The following LHFPL6 variants were observed in gnomAD, a reference collection of about 807,000 sequenced individuals.
The protein encoded by LHFPL6 is LHFPL tetraspan subfamily member 6, also known as LHFPL tetraspan subfamily member 6 protein.
In LHFPL6, 9 loss-of-function variants were observed where a neutral mutation model predicts 20.6. That is an observed-to-expected ratio of 0.44 (90% CI 0.26 to 0.76). The LOEUF is 0.76. LHFPL6 is among the 30% of genes least tolerant of loss of function. The pLI is 0.20. For synonymous variants in LHFPL6, 105 were observed against 98.7 expected (o/e 1.06, Z -0.38); for missense variants, 218 against 253.5 (o/e 0.86, Z 0.95).
At position 39,474,475 on chromosome 13, in the gene LHFPL6, T is replaced by C. The variant is rs1292274252; in HGVS notation, c.386-95949A>G. 2.0e-5 allele frequency among the ~76,000 whole-genome samples: 3 copies of C among 152,218 alleles called. No individual in the cohort carries two copies. In the East Asian group the frequency reaches 5.8e-4, roughly 29 times the overall value. On this transcript the variant is annotated intron_variant, in intron 2 of 3. Transcript: ENST00000379589. ...AGCTTTTAGTTCATAATTTAAAAAT[T>C]ATGATATTGTTTTCCCCTTCAACTG...
At chr13:39,534,066 T>C (rs533358652) in intron 2 of LHFPL6, among the ~76,000 whole-genome samples, 1 of 152,236 alleles carries the variant, frequency 6.6e-6, no homozygotes, top group African/African-American at 2.4e-5. Flanking sequence ...AAAAATTAGA[T>C]CTATAACACC....
chr13:39,587,153 G>A lies in LHFPL6; in HGVS notation c.385+13679C>T, dbSNP rs529017995. 4.8e-4 allele frequency among the ~76,000 whole-genome samples: 29 copies of A among 60,416 alleles called. No individual in the cohort carries two copies. The East Asian group carries it at 0.013, about 27-fold the overall frequency. 39.6% of individuals were successfully genotyped at this position (60,416 alleles called of 152,430 possible). A position where few individuals can be genotyped will look rare whatever the true frequency, so the allele number is the denominator to read the frequency against. On this transcript the variant is annotated intron_variant, in intron 2 of 3. Transcript: ENST00000379589. ...GCCTGGGCAATAAGAGTGAAACTCC[G>A]TCTCAAAAAAAAAAAAGAATCCTCA...
At chr13:39,360,178 G>A (rs1869842226) in intron 3 of LHFPL6, among the ~76,000 whole-genome samples, 1 of 96,300 alleles carries the variant, frequency 1.0e-5, no homozygotes, top group East Asian at 3.8e-4. Context: ...CCGCCACCAC[G>A]CCCGGCTAAT....
chr13:39,527,692 C>T (rs9576835), intron 2 of LHFPL6, among the ~76,000 whole-genome samples: 2,566 of 152,030 alleles, frequency 0.017, 61 homozygotes, highest in East Asian at 0.094. Context: ...TGGTTATATA[C>T]TCATCATTTT....
intron 2 of LHFPL6, among the ~76,000 whole-genome samples, chr13:39,465,316 T>C (rs1228125960): frequency 6.6e-6 from 1 of 152,104 alleles, no homozygotes; most frequent in Non-Finnish European, 1.5e-5. Context: ...TGCCAACCTA[T>C]CATTAACAAG....
chr13:39,600,811 C>T (rs780005559), intron 2 of LHFPL6, 21 bp downstream of exon 2: 2 of 1,467,830 alleles, frequency 1.4e-6, no homozygotes, highest in Non-Finnish European at 1.8e-6. Flanking sequence ...GTAAACAACT[C>T]AAGCTCAGCA....
At chr13:39,543,963 T>C (rs1441831711) in intron 2 of LHFPL6, among the ~76,000 whole-genome samples, 1 of 152,238 alleles carries the variant, frequency 6.6e-6, no homozygotes, top group African/African-American at 2.4e-5. Context: ...ACAGCTTCTT[T>C]AGCAATTCTG....
At chr13:39,453,412 G>C (rs960159106) in intron 2 of LHFPL6, among the ~76,000 whole-genome samples, 3 of 151,998 alleles carry the variant, frequency 2.0e-5, no homozygotes, top group Non-Finnish European at 4.4e-5. Flanking sequence ...TATCATGATG[G>C]GCATTTAACT....
chr13:39,415,506 AAAAAAAAC>A (rs1263919597), intron 2 of LHFPL6, among the ~76,000 whole-genome samples: 1 of 152,054 alleles, frequency 6.6e-6, no homozygotes, highest in African/African-American at 2.4e-5. Context: ...TACTGAAAAA[AAAAAAAAC>A]AAAAAACAAA....
intron 2 of LHFPL6, among the ~76,000 whole-genome samples, chr13:39,585,508 T>C (rs1872422960): frequency 6.6e-6 from 1 of 152,172 alleles, no homozygotes; most frequent in Non-Finnish European, 1.5e-5. Flanking sequence ...GTAACACAAA[T>C]AACATAAGCT....
chr13:39,564,442 C>T (rs1024868441), intron 2 of LHFPL6, among the ~76,000 whole-genome samples: 6 of 152,148 alleles, frequency 3.9e-5, no homozygotes, highest in African/African-American at 1.4e-4. Flanking sequence ...ATATGTGCAT[C>T]TTCATATTTC....
At chr13:39,499,908 A>G (rs1869235559) in intron 2 of LHFPL6, among the ~76,000 whole-genome samples, 2 of 152,226 alleles carry the variant, frequency 1.3e-5, no homozygotes, top group African/African-American at 2.4e-5. Flanking sequence ...ACACAATCAC[A>G]CACATTGTTG....
intron 2 of LHFPL6, among the ~76,000 whole-genome samples, chr13:39,446,137 A>C (rs1202888583): frequency 6.6e-6 from 1 of 152,248 alleles, no homozygotes; most frequent in Non-Finnish European, 1.5e-5. Flanking sequence ...TTAGGAGCAC[A>C]AACTTGAAAA....
At chr13:39,419,857 T>C (rs1418511616) in intron 2 of LHFPL6, among the ~76,000 whole-genome samples, 1 of 152,160 alleles carries the variant, frequency 6.6e-6, no homozygotes, top group Non-Finnish European at 1.5e-5. Flanking sequence ...TTGACTAAAT[T>C]TTTTTTAGAA....
intron 2 of LHFPL6, among the ~76,000 whole-genome samples, chr13:39,451,176 T>TTGTG (rs879468397): frequency 4.6e-4 from 70 of 151,924 alleles, no homozygotes; most frequent in Non-Finnish European, 9.1e-4. Flanking sequence ...TTTTGTTTGT[T>TTGTG]TATTTATTTA....
chr13:39,353,677 G>A (rs1168719514), intron 3 of LHFPL6, among the ~76,000 whole-genome samples: 4 of 152,098 alleles, frequency 2.6e-5, no homozygotes, highest in Admixed American at 2.6e-4. Flanking sequence ...GCAGTGAGCC[G>A]AGATTGTGCC....
At chr13:39,591,044 C>A (rs191439612) in intron 2 of LHFPL6, among the ~76,000 whole-genome samples, 6 of 152,040 alleles carry the variant, frequency 3.9e-5, no homozygotes, top group South Asian at 2.1e-4. Flanking sequence ...ATAATTCTAG[C>A]GAAAAAGTGT....
At chr13:39,531,504 G>A (rs149372715) in intron 2 of LHFPL6, among the ~76,000 whole-genome samples, 143 of 152,236 alleles carry the variant, frequency 9.4e-4, no homozygotes, top group African/African-American at 2.9e-3. Context: ...GACAATGCAA[G>A]CCAAACTATT....
chr13:39,429,258 C>A (rs530893907), intron 2 of LHFPL6, among the ~76,000 whole-genome samples: 1 of 147,254 alleles, frequency 6.8e-6, no homozygotes, highest in South Asian at 2.2e-4. Context: ...TTGTGGATTT[C>A]TCTATTTTTC....
Sources: gnomAD v4.1 joint callset for allele counts (sites outside exome capture counted in the v4.1 genomes callset) on GRCh38, gnomAD v4.1.1 for gene constraint, MANE v1.5 for transcripts, NCBI Gene and HGNC (gene_info 2026-07-23, HGNC 2026-07-21) for gene names.